The following RGSL1 variants were observed in gnomAD, a reference collection of about 807,000 sequenced individuals.
RGSL1 encodes regulator of G protein signaling like 1, also known as regulator of G protein signaling protein-like.
RGSL1 carries 97 observed loss-of-function variants against 124.7 expected under a neutral mutation model. The observed-to-expected ratio is 0.78, with a 90% CI of 0.66 to 0.92. RGSL1 has a LOEUF of 0.92. Among genes scored for constraint, RGSL1 ranks in the 40% least tolerant of loss-of-function variants. The pLI is 0.00. For synonymous variants in RGSL1, 424 were observed against 438.1 expected (o/e 0.97, Z 0.40); for missense variants, 1,233 against 1,288.4 (o/e 0.96, Z 0.66).
intron 4 of RGSL1, among the ~76,000 whole-genome samples, chr1:182,462,833 GA>G (rs1028550531): frequency 1.3e-5 from 2 of 152,040 alleles, no homozygotes; most frequent in African/African-American, 4.8e-5. Context: ...TAACTGCAAG[GA>G]AAATAGCTAC....
At chr1:182,475,835 TAAAA>T (rs1410765503) in intron 6 of RGSL1, among the ~76,000 whole-genome samples, 1 of 152,158 alleles carries the variant, frequency 6.6e-6, no homozygotes, top group African/African-American at 2.4e-5. Flanking sequence ...AGCAAATAGA[TAAAA>T]AACATCAAAT....
intron 4 of RGSL1, among the ~76,000 whole-genome samples, chr1:182,465,565 A>C (rs531610711): frequency 6.6e-6 from 1 of 152,232 alleles, no homozygotes; most frequent in African/African-American, 2.4e-5. Flanking sequence ...TACATGTGTA[A>C]CAAACCTGCA....
At chr1:182,509,887 T>C (rs1241820263) in intron 9 of RGSL1, among the ~76,000 whole-genome samples, 33 of 130,618 alleles carry the variant, frequency 2.5e-4, no homozygotes, top group South Asian at 1.1e-3. Context: ...CCAGATGGGG[T>C]GGCTGCCGGG....
At chr1:182,452,546 G>A (rs1023483231) in intron 1 of RGSL1, among the ~76,000 whole-genome samples, 9 of 151,520 alleles carry the variant, frequency 5.9e-5, no homozygotes, top group African/African-American at 2.2e-4. Flanking sequence ...TCCACCTCCT[G>A]GCTTCAAGCG....
In RGSL1 at chr1:182,553,430, A is replaced by G. The variant is rs754616767; in HGVS notation, c.3044-25A>G. The G allele has an allele frequency of 4.5e-6, 7 of 1,543,326 alleles. No homozygotes were observed. In the South Asian group the frequency reaches 7.2e-5, roughly 16 times the overall value. The stretch of plus-strand genomic sequence containing the variant: ...AGTAGGAGTTGTCGCAGGTGTTTTT[A>G]ATGCTTGTTTTTGTCCTTCCCCAGG... On this transcript the variant is annotated intron_variant, in intron 18 of 21. Transcript: ENST00000294854.
intron 4 of RGSL1, among the ~76,000 whole-genome samples, chr1:182,461,106 G>A (rs1192624985): frequency 2.6e-5 from 4 of 151,984 alleles, no homozygotes; most frequent in Non-Finnish European, 1.5e-5. Flanking sequence ...GATTTACAGA[G>A]CTGACATCTT....
chr1:182,520,913 T>C (rs1267826851), intron 9 of RGSL1, among the ~76,000 whole-genome samples: 1 of 152,208 alleles, frequency 6.6e-6, no homozygotes, highest in African/African-American at 2.4e-5. Flanking sequence ...AACTAGGTCA[T>C]GTTCTAATTT....
At chr1:182,554,306 A>G (rs1660734926) in intron 19 of RGSL1, among the ~76,000 whole-genome samples, 1 of 152,204 alleles carries the variant, frequency 6.6e-6, no homozygotes, top group Non-Finnish European at 1.5e-5. Flanking sequence ...ATAGGCTCCA[A>G]ACAGCCCTAA....
In RGSL1 at chr1:182,473,714, C is replaced by T; in HGVS notation, c.603C>T (p.Thr201=). The T allele has an allele frequency of 4.5e-6, 7 of 1,551,704 alleles. No individual in the cohort carries two copies. Among genetic ancestry groups the T allele is most frequent in the Non-Finnish European group, 6.1e-6 (7 of 1,146,998 alleles). ...ACTTTTACACCCACACCAAGATGAC[C>T]ATGGCCAAGGAGGAAGCATGCCATG... is the stretch of plus-strand genomic sequence containing the variant. ...LPNFYTHTKM[T]MAKEEACHGL... The change falls in exon 6 of 22, where the codon ACC becomes ACT. Residue 201 remains threonine, a synonymous_variant. Transcript: ENST00000294854.
At chr1:182,537,176 G>T (rs1362497991) in intron 14 of RGSL1, among the ~76,000 whole-genome samples, 3 of 152,028 alleles carry the variant, frequency 2.0e-5, no homozygotes, top group African/African-American at 7.2e-5. Context: ...TCTGAGTACT[G>T]ATATGACACC....
In RGSL1 at chr1:182,510,626, C is replaced by G. The variant is rs1571613433; in HGVS notation, c.1826-11378C>G. Among the ~76,000 whole-genome samples, 19 of 38,374 alleles carry G rather than the reference C, an allele frequency of 5.0e-4. 5 individuals carry two copies. In the South Asian group the frequency reaches 0.012, roughly 24 times the overall value. The allele number at this position is 38,374 out of a possible 152,430, so 25.2% of individuals were successfully genotyped here. ...GAGCGGGGATGGCAGCAGTACAGTC[C>G]AGCTTCGGCTCCACATGAGAGGGAG... On this transcript the variant is annotated intron_variant, in intron 9 of 21. Transcript: ENST00000294854.
chr1:182,488,435 G>A lies in RGSL1; in HGVS notation c.1494+88G>A, dbSNP rs1655258261. 2.1e-5 allele frequency: 26 copies of A among 1,236,158 alleles called. No homozygotes were observed. The South Asian group carries it at 2.6e-4, about 12-fold the overall frequency. 76.6% of individuals were successfully genotyped at this position (1,236,158 alleles called of 1,614,324 possible). On this transcript the variant is annotated intron_variant, in intron 7 of 21. Coordinates refer to ENST00000294854, the MANE Select transcript of RGSL1 (RefSeq NM_001137669.2). The stretch of plus-strand genomic sequence containing the variant: ...TGTTTTAAAAGGGTTATGTGTTAAA[G>A]TAAATGAAATTGTTATTTTTCCTAG...
In RGSL1 at chr1:182,521,233, T is replaced by G. The variant is rs539641027; in HGVS notation, c.1826-771T>G. ...CACAGGTGCATACTACCACACCCAG[T>G]TAATTTTTAAATTTTCTTGTAGAGA... On this transcript the variant is annotated intron_variant, in intron 9 of 21. Transcript: ENST00000294854. 2.3e-4 allele frequency among the ~76,000 whole-genome samples: 35 copies of G among 152,248 alleles called. No individual in the cohort carries two copies. In the East Asian group the frequency reaches 6.4e-3, roughly 28 times the overall value.
At chr1:182,556,997 GT>G (rs1247914675) in intron 21 of RGSL1, among the ~76,000 whole-genome samples, 2 of 152,200 alleles carry the variant, frequency 1.3e-5, no homozygotes, top group Non-Finnish European at 2.9e-5. Flanking sequence ...CTGTGCCGAA[GT>G]TTTTTATTTC....
At chr1:182,488,050 A>C (rs554092341) in intron 6 of RGSL1, among the ~76,000 whole-genome samples, 1 of 152,320 alleles carries the variant, frequency 6.6e-6, no homozygotes, top group East Asian at 1.9e-4. Context: ...TCTCTTCTTA[A>C]GTAAATATTT....
intron 9 of RGSL1, among the ~76,000 whole-genome samples, chr1:182,518,042 GTTGT>G (rs974415400): frequency 1.0e-4 from 13 of 126,988 alleles, no homozygotes; most frequent in South Asian, 5.3e-4. Flanking sequence ...GAGGTTTTTT[GTTGT>G]TTGTTTGTTT....
intron 15 of RGSL1, among the ~76,000 whole-genome samples, chr1:182,544,098 ATTT>A (rs1660060052): frequency 6.6e-6 from 1 of 151,798 alleles, no homozygotes; most frequent in South Asian, 2.1e-4. Flanking sequence ...TAGGTTGTTT[ATTT>A]GAAGTCTTTC....
chr1:182,555,640 A>C (rs1261353095), intron 20 of RGSL1: 1 of 208,996 alleles, frequency 4.8e-6, no homozygotes, highest in African/African-American at 2.3e-5. Flanking sequence ...AGTTATTTGA[A>C]GGCCAAGGTG....
At chr1:182,500,280 C>G (rs947873970) in intron 9 of RGSL1, among the ~76,000 whole-genome samples, 1 of 152,136 alleles carries the variant, frequency 6.6e-6, no homozygotes, top group South Asian at 2.1e-4. Context: ...TTCTTTCCCC[C>G]CATTGAACGG....
Sources: gnomAD v4.1 joint callset for allele counts (sites outside exome capture counted in the v4.1 genomes callset) on GRCh38, gnomAD v4.1.1 for gene constraint, MANE v1.5 for transcripts, NCBI Gene and HGNC (gene_info 2026-07-23, HGNC 2026-07-21) for gene names.